BNC2: variants seen among roughly 807,000 people sequenced by gnomAD.
The protein encoded by BNC2 is zinc finger protein basonuclin-2.
In BNC2, 20 loss-of-function variants were observed where a neutral mutation model predicts 76.3. The observed-to-expected ratio is 0.26, with a 90% CI of 0.18 to 0.38. The LOEUF (loss-of-function observed/expected upper bound fraction) is 0.38. Among genes scored for constraint, BNC2 ranks in the 10% least tolerant of loss-of-function variants. The pLI, the probability that BNC2 is intolerant of heterozygous loss-of-function variation, is 1.00. For missense variants in BNC2, 1,382 were observed against 1,399.8 expected (o/e 0.99, Z 0.20); for synonymous variants, 582 against 514.8 (o/e 1.13, Z -1.77).
intron 4 of BNC2, among the ~76,000 whole-genome samples, chr9:16,559,255 T>G (rs1026430224): frequency 6.7e-6 from 1 of 150,022 alleles, no homozygotes; most frequent in Non-Finnish European, 1.5e-5. Context: ...TCATAAACTT[T>G]CTTAAATGAG....
At chr9:16,825,265 T>A (rs1818427555) in intron 1 of BNC2, among the ~76,000 whole-genome samples, 1 of 152,182 alleles carries the variant, frequency 6.6e-6, no homozygotes, top group Admixed American at 6.5e-5. Context: ...AAGTTGGGGC[T>A]ATCCTTAGTC....
intron 5 of BNC2, among the ~76,000 whole-genome samples, chr9:16,517,458 C>G (rs943326893): frequency 6.6e-6 from 1 of 152,098 alleles, no homozygotes; most frequent in African/African-American, 2.4e-5. Context: ...ATGTTTTAGC[C>G]CAATTCTGAT....
chr9:16,559,994 G>C lies in BNC2; in HGVS notation c.434-7229C>G, dbSNP rs929683681. Among the ~76,000 whole-genome samples the C allele has an allele frequency of 3.3e-5, 5 of 152,352 alleles. 1 individual carries two copies. In the South Asian group the frequency reaches 1.0e-3, roughly 32 times the overall value. ...GCCGGGAATGCAGTCTCCTAACTCG[G>C]AAGTCAGCAGGCAAGAAAGGAGGAG... On this transcript the variant is annotated intron_variant, in intron 4 of 6. Transcript: ENST00000380672.
intron 3 of BNC2, among the ~76,000 whole-genome samples, chr9:16,659,383 G>A (rs1822034308): frequency 6.6e-6 from 1 of 152,086 alleles, no homozygotes; most frequent in Non-Finnish European, 1.5e-5. Context: ...GCCGAGGTGG[G>A]CAGATCAGGA....
intron 5 of BNC2, among the ~76,000 whole-genome samples, chr9:16,541,671 G>C (rs1054366240): frequency 2.6e-5 from 4 of 152,126 alleles, no homozygotes; most frequent in Non-Finnish European, 5.9e-5. Context: ...AATGAATGCA[G>C]CAATTTAAGG....
At chr9:16,718,014 G>A (rs1291745898) in intron 3 of BNC2, among the ~76,000 whole-genome samples, 2 of 152,192 alleles carry the variant, frequency 1.3e-5, no homozygotes, top group African/African-American at 4.8e-5. Context: ...TTCTGGTCAT[G>A]AGAAAACCTG....
intron 1 of BNC2, among the ~76,000 whole-genome samples, chr9:16,836,759 C>CT (rs994502007): frequency 2.6e-4 from 39 of 151,018 alleles, no homozygotes; most frequent in African/African-American, 6.6e-4. Context: ...TCTAATAATA[C>CT]TTTTTTTTTC....
intron 1 of BNC2, among the ~76,000 whole-genome samples, chr9:16,869,482 T>C (rs533715006): frequency 7.2e-5 from 11 of 152,188 alleles, no homozygotes; most frequent in Non-Finnish European, 1.5e-4. Flanking sequence ...AGTTGTGACT[T>C]TGATCACTGA....
At chr9:16,564,145 C>T (rs977633660) in intron 4 of BNC2, among the ~76,000 whole-genome samples, 1 of 152,094 alleles carries the variant, frequency 6.6e-6, no homozygotes, top group Non-Finnish European at 1.5e-5. Context: ...TTAAAAGATG[C>T]TCGTTGTCTT....
At chr9:16,619,290 A>G (rs1820798150) in intron 3 of BNC2, among the ~76,000 whole-genome samples, 1 of 152,092 alleles carries the variant, frequency 6.6e-6, no homozygotes, top group South Asian at 2.1e-4. Context: ...ATTCAAACCC[A>G]ACATAATGCT....
intron 6 of BNC2, among the ~76,000 whole-genome samples, chr9:16,422,066 G>A (rs73415409): frequency 0.062 from 9,387 of 152,182 alleles, 927 homozygotes; most frequent in African/African-American, 0.21. Flanking sequence ...TTGAGAAAAG[G>A]ACACACTGAT....
intron 1 of BNC2, among the ~76,000 whole-genome samples, chr9:16,783,914 A>G (rs1826214697): frequency 6.6e-6 from 1 of 152,210 alleles, no homozygotes; most frequent in East Asian, 1.9e-4. Flanking sequence ...TATTTTTAAA[A>G]TATCGATACA....
Position 16,728,711 on chromosome 9 carries a change from C to CT in BNC2, c.130-715dup, listed in dbSNP as rs549455650. Among the ~76,000 whole-genome samples, 6 of 151,680 alleles carry CT rather than the reference C, an allele frequency of 4.0e-5. No homozygotes were observed. The East Asian group carries it at 1.2e-3, about 29-fold the overall frequency. ...GTACATAGAGATGTGACCTTATACT[C>CT]TAAAGAGTAAGCAAATAAGCCTAGC... is the stretch of plus-strand genomic sequence containing the variant. On this transcript the variant is annotated intron_variant, in intron 2 of 6. Coordinates refer to ENST00000380672, the MANE Select transcript of BNC2 (RefSeq NM_017637.6).
intron 3 of BNC2, among the ~76,000 whole-genome samples, chr9:16,595,078 C>T (rs545369814): frequency 6.6e-6 from 1 of 152,164 alleles, no homozygotes; most frequent in South Asian, 2.1e-4. Flanking sequence ...AGTGACCCAG[C>T]ACAGTATTTT....
At chr9:16,805,131 G>A (rs776199373) in intron 1 of BNC2, among the ~76,000 whole-genome samples, 2 of 152,048 alleles carry the variant, frequency 1.3e-5, no homozygotes, top group African/African-American at 2.4e-5. Context: ...AAACTATCTC[G>A]AATCTTCAAA....
At chr9:16,785,804 C>A (rs1826277147) in intron 1 of BNC2, among the ~76,000 whole-genome samples, 3 of 106,418 alleles carry the variant, frequency 2.8e-5, no homozygotes, top group South Asian at 4.7e-4. Flanking sequence ...CAGATGCTGT[C>A]TCCAAAAAAA....
intron 3 of BNC2, among the ~76,000 whole-genome samples, chr9:16,643,866 A>G (rs952183102): frequency 5.9e-5 from 9 of 152,162 alleles, no homozygotes; most frequent in Non-Finnish European, 1.2e-4. Context: ...AGCTGTCTTC[A>G]GCACAATTTT....
rs1269589587 is a variant in BNC2, at chr9:16,845,556, CT to C, written c.3+25089del. Reference sequence around the variant, plus strand: ...CTAACACAGTGAAACCCCATCTCTACTAAAAATACAAAAAATTAGCCGGGTG... The same window carrying C: ...CTAACACAGTGAAACCCCATCTCTACAAAAATACAAAAAATTAGCCGGGTG... On this transcript the variant is annotated intron_variant, in intron 1 of 6. Coordinates refer to ENST00000380672, the MANE Select transcript of BNC2 (RefSeq NM_017637.6). Among the ~76,000 whole-genome samples the C allele has an allele frequency of 2.2e-4, 33 of 151,824 alleles. 1 individual carries two copies. The Middle Eastern group carries it at 0.014, about 63-fold the overall frequency.
chr9:16,580,945 G>A (rs899651823), intron 4 of BNC2, among the ~76,000 whole-genome samples: 1 of 152,176 alleles, frequency 6.6e-6, no homozygotes, highest in Admixed American at 6.5e-5. Flanking sequence ...AGGTGACAGA[G>A]CCAGGATTTG....
Sources: allele counts gnomAD v4.1 joint callset (sites outside exome capture counted in the v4.1 genomes callset), GRCh38; gene constraint gnomAD v4.1.1; transcripts MANE v1.5; gene names NCBI Gene and HGNC (gene_info 2026-07-23, HGNC 2026-07-21).